Variants in ANKRD13A observed in about 807,000 individuals in gnomAD.
ANKRD13A encodes ankyrin repeat domain 13A, also known as ankyrin repeat domain-containing protein 13A.
ANKRD13A carries 48 observed loss-of-function variants against 81.3 expected under a neutral mutation model. That is an observed-to-expected ratio of 0.59 (90% CI 0.47 to 0.75). The LOEUF (loss-of-function observed/expected upper bound fraction) is 0.75. Among genes scored for constraint, ANKRD13A ranks in the 30% least tolerant of loss-of-function variants. The pLI is 0.00. For missense variants in ANKRD13A, 612 were observed against 734.0 expected, an observed-to-expected ratio of 0.83 and a Z score of 1.92; for synonymous variants, 230 against 270.1, an observed-to-expected ratio of 0.85 and a Z score of 1.45.
chr12:110,037,215 C>A, intron 14 of ANKRD13A, 144 bp from the exon 15 acceptor site: 1 of 836,076 alleles, frequency 1.2e-6, no homozygotes. Context: ...ACCTACACCG[C>A]CAGTTATGTG....
intron 1 of ANKRD13A, among the ~76,000 whole-genome samples, chr12:110,009,402 T>A (rs886982092): frequency 8.5e-5 from 13 of 152,262 alleles, no homozygotes; most frequent in South Asian, 2.1e-4. Flanking sequence ...TTTATAATCC[T>A]TTTTATTTCT....
chr12:110,015,943 T>C (rs917287142), intron 3 of ANKRD13A, among the ~76,000 whole-genome samples: 5 of 151,090 alleles, frequency 3.3e-5, no homozygotes, highest in African/African-American at 1.2e-4. Flanking sequence ...CTTACACTTG[T>C]TTTTTCTTTC....
chr12:110,016,071 C>G (rs1430794528), intron 3 of ANKRD13A, among the ~76,000 whole-genome samples: 1 of 151,854 alleles, frequency 6.6e-6, no homozygotes, highest in African/African-American at 2.4e-5. Context: ...CCCACCTCAG[C>G]CTCCTGAGTA....
At position 110,011,852 on chromosome 12, in the gene ANKRD13A, G is replaced by A. The variant is rs186022317; in HGVS notation, c.97-153G>A. 2.0e-5 allele frequency among the ~76,000 whole-genome samples: 3 copies of A among 152,266 alleles called. No homozygotes were observed. The East Asian group carries it at 5.8e-4, about 29-fold the overall frequency. ...TAATCCCCAAATTCATATTTTAACT[G>A]TGCCCAAATGCAAACATACCTTCTT... On this transcript the variant is annotated intron_variant, in intron 1 of 14. Coordinates refer to ENST00000261739, the MANE Select transcript of ANKRD13A (RefSeq NM_033121.2).
At chr12:110,016,480 T>C in intron 4 of ANKRD13A, 47 bp downstream of exon 4, 3 of 1,514,544 alleles carry the variant, frequency 2.0e-6, no homozygotes, top group Non-Finnish European at 2.7e-6. Context: ...TAAATTTACT[T>C]AGCCCGCATG....
chr12:110,036,469 G>A lies in ANKRD13A; in HGVS notation c.1577+141G>A. 1 of 924,040 alleles carries A rather than the reference G, an allele frequency of 1.1e-6. No individual in the cohort carries two copies. The highest frequency in any genetic ancestry group is 1.7e-6 in the Non-Finnish European group (1 of 575,388). The allele number at this position is 924,040 out of a possible 1,614,324, so 57.2% of individuals were successfully genotyped here. On this transcript the variant is annotated intron_variant, in intron 14 of 14. Transcript: ENST00000261739. This position sits in a 1 kb window ranked among gnomAD's most constrained non-coding sequence, Gnocchi z 4.6. ...TGGCAGGAAAGACTAGAAAAAGTAGGCCAGGAGCGGTGGCTCACGCCTATA... is the reference window on the plus strand; with the variant it reads ...TGGCAGGAAAGACTAGAAAAAGTAGACCAGGAGCGGTGGCTCACGCCTATA...
At chr12:110,027,668 T>A (rs1566060011) in intron 8 of ANKRD13A, 37 bp from the exon 9 acceptor site, 1 of 1,596,336 alleles carries the variant, frequency 6.3e-7, no homozygotes. Context: ...ACAAGTGAGA[T>A]ATAATATTAG....
chr12:110,036,392 G>C lies in ANKRD13A; in HGVS notation c.1577+64G>C, dbSNP rs1489359687. 1 of 1,513,346 alleles carries C rather than the reference G, an allele frequency of 6.6e-7. No individual in the cohort carries two copies. The highest frequency in any genetic ancestry group is 9.2e-7 in the Non-Finnish European group (1 of 1,089,006). 93.7% of individuals were successfully genotyped at this position (1,513,346 alleles called of 1,614,324 possible). Reference sequence around the variant, plus strand: ...ACACAGGCCTGGACACAGGCGAGCAGACGCGTGGCACTGTGCATTTGGTCC... The same window carrying C: ...ACACAGGCCTGGACACAGGCGAGCACACGCGTGGCACTGTGCATTTGGTCC... On this transcript the variant is annotated intron_variant, in intron 14 of 14. Coordinates refer to ENST00000261739, the MANE Select transcript of ANKRD13A (RefSeq NM_033121.2). The surrounding 1 kb of genome is among the most constrained non-coding windows in gnomAD (Gnocchi z 4.6).
At chr12:110,026,650 G>A (rs188284922) in intron 8 of ANKRD13A, among the ~76,000 whole-genome samples, 3 of 152,170 alleles carry the variant, frequency 2.0e-5, no homozygotes, top group Admixed American at 2.0e-4. Context: ...GGGAGGCCAA[G>A]GTGGGCAGAT....
chr12:110,000,884 A>G (rs925937112), intron 1 of ANKRD13A, among the ~76,000 whole-genome samples: 3 of 150,894 alleles, frequency 2.0e-5, no homozygotes, highest in African/African-American at 7.3e-5. Flanking sequence ...CAGCCCCCCA[A>G]GTAACTGAGA....
Position 110,029,480 on chromosome 12 carries a change from T to A in ANKRD13A, c.1079T>A (p.Phe360Tyr). The change falls in exon 11 of 15, where the codon TTT (phenylalanine) becomes TAT (tyrosine). Residue 360 changes from phenylalanine (F) to tyrosine (Y), a missense_variant and splice_region_variant. Coordinates refer to ENST00000261739, the MANE Select transcript of ANKRD13A (RefSeq NM_033121.2). Reference sequence around the variant, plus strand: ...CTTTTCTTGGTTGAATTCTGCAGGTTTAAAGCAATGTTGTGGATGTGTGAA... The same window carrying A: ...CTTTTCTTGGTTGAATTCTGCAGGTATAAAGCAATGTTGTGGATGTGTGAA... ...PKELTIRTQK[F>Y]KAMLWMCEEF... The A allele has an allele frequency of 6.2e-7, 1 of 1,610,530 alleles. No homozygotes were observed. The highest frequency in any genetic ancestry group is 8.5e-7 in the Non-Finnish European group (1 of 1,176,886).
chr12:110,001,258 G>A (rs1010163708), intron 1 of ANKRD13A, among the ~76,000 whole-genome samples: 7 of 151,566 alleles, frequency 4.6e-5, no homozygotes, highest in Non-Finnish European at 7.4e-5. Flanking sequence ...TGCTATAATT[G>A]TCAAGAAATT....
intron 8 of ANKRD13A, among the ~76,000 whole-genome samples, chr12:110,026,672 A>G (rs916423335): frequency 2.0e-5 from 3 of 152,056 alleles, no homozygotes; most frequent in Non-Finnish European, 4.4e-5. Context: ...ACTTGAGGCC[A>G]GGAGTTTGAG....
chr12:110,028,476 T>A (rs1418050246), intron 9 of ANKRD13A, 36 bp from the exon 10 acceptor site: 9 of 1,611,918 alleles, frequency 5.6e-6, no homozygotes, highest in Admixed American at 1.7e-5. Context: ...GAACATCATT[T>A]GGCATTTCTG....
chr12:110,011,943 G>A (rs2137103338), intron 1 of ANKRD13A, 62 bp from the exon 2 acceptor site: 1 of 1,497,054 alleles, frequency 6.7e-7, no homozygotes, highest in Non-Finnish European at 9.1e-7. Flanking sequence ...TATCTGTCAA[G>A]CACATTTCCC....
chr12:110,017,316 A>C (rs1221597215), intron 4 of ANKRD13A, among the ~76,000 whole-genome samples: 1 of 152,254 alleles, frequency 6.6e-6, no homozygotes, highest in Non-Finnish European at 1.5e-5. Flanking sequence ...TATTCTAAAC[A>C]AGATGAGGTG....
chr12:110,019,055 A>G, intron 5 of ANKRD13A, 84 bp from the exon 6 acceptor site: 4 of 1,398,150 alleles, frequency 2.9e-6, no homozygotes, highest in South Asian at 1.5e-5. Context: ...CACATGAAAG[A>G]TGATACATTT....
At chr12:110,010,379 G>T (rs547677215) in intron 1 of ANKRD13A, among the ~76,000 whole-genome samples, 1 of 152,264 alleles carries the variant, frequency 6.6e-6, no homozygotes, top group East Asian at 1.9e-4. Flanking sequence ...TAATGAGTTT[G>T]CTAATTATTT....
chr12:110,031,194 A>G (rs1004880656), intron 12 of ANKRD13A, among the ~76,000 whole-genome samples: 2 of 152,182 alleles, frequency 1.3e-5, no homozygotes, highest in Admixed American at 6.5e-5. Context: ...GTGTTGGATG[A>G]AAGAAAATTT....
Sources: gnomAD v4.1 joint callset for allele counts (sites outside exome capture counted in the v4.1 genomes callset) on GRCh38, gnomAD v4.1.1 for gene constraint, Gnocchi (gnomAD v3.1) non-coding constraint, MANE v1.5 for transcripts, NCBI Gene and HGNC (gene_info 2026-07-23, HGNC 2026-07-21) for gene names.